RBM38: variants seen among roughly 807,000 people sequenced by gnomAD.
The protein encoded by RBM38 is RNA-binding protein 38.
Under a neutral mutation model 23.5 loss-of-function variants are expected in RBM38, and 11 were observed. The ratio of observed to expected loss-of-function variants is 0.47; its 90% CI spans 0.29 to 0.77. The LOEUF is 0.77. Among genes scored for constraint, RBM38 ranks in the 30% least tolerant of loss-of-function variants. The pLI is 0.08. For synonymous variants in RBM38, 165 were observed against 166.1 expected (o/e 0.99, Z 0.05); for missense variants, 330 against 351.9 (o/e 0.94, Z 0.50).
At chr20:57,406,703 C>T (rs919405550) in intron 3 of RBM38, among the ~76,000 whole-genome samples, 2 of 152,132 alleles carry the variant, frequency 1.3e-5, no homozygotes, top group Non-Finnish European at 2.9e-5. Context: ...CAGAAAGAAA[C>T]CCTGTGAGGG....
intron 3 of RBM38, among the ~76,000 whole-genome samples, chr20:57,399,259 G>A (rs572923364): frequency 1.7e-4 from 26 of 152,178 alleles, no homozygotes; most frequent in Non-Finnish European, 3.5e-4. Flanking sequence ...CGCAGGCTCC[G>A]AGCGGAGGAG....
At chr20:57,396,662 G>A (rs1022176394) in intron 3 of RBM38, among the ~76,000 whole-genome samples, 2 of 152,196 alleles carry the variant, frequency 1.3e-5, no homozygotes, top group African/African-American at 2.4e-5. Context: ...TGAAGGGGGT[G>A]GAATATCCCT....
intron 2 of RBM38, 197 bp from the exon 3 acceptor site, chr20:57,393,082 G>A: frequency 1.5e-6 from 1 of 651,150 alleles, no homozygotes; most frequent in Non-Finnish European, 2.7e-6. Context: ...AGTGGCTGCT[G>A]ACACCTGCGT....
At position 57,407,753 on chromosome 20, in the gene RBM38, C is replaced by T. The variant is rs749736153; in HGVS notation, c.627C>T (p.Ala209=). ...GCTTCGTGGGCTACAGCTACCCTGC[C>T]GCCGTGCCCCAGGCCCTCTCAGCCG... The part of the protein sequence containing the change: ...AASFVGYSYP[A]AVPQALSAAA... The change falls in exon 4 of 4, where the codon GCC becomes GCT. Residue 209 remains alanine, a synonymous_variant. Transcript: ENST00000356208. The surrounding 1 kb of genome is among the most constrained non-coding windows in gnomAD (Gnocchi z 4.0). 9.8e-5 allele frequency: 158 copies of T among 1,610,460 alleles called. 3 individuals carry two copies. Among genetic ancestry groups the T allele is most frequent in the Middle Eastern group, 1.6e-4 (1 of 6,080 alleles).
chr20:57,402,327 G>A (rs1026247373), intron 3 of RBM38, among the ~76,000 whole-genome samples: 4 of 152,218 alleles, frequency 2.6e-5, no homozygotes. Context: ...ACGCCACTGC[G>A]CCCGCCTGGA....
intron 3 of RBM38, among the ~76,000 whole-genome samples, chr20:57,402,057 C>T (rs2067333531): frequency 6.6e-6 from 1 of 152,208 alleles, no homozygotes; most frequent in Non-Finnish European, 1.5e-5. Context: ...AAGCCATTCT[C>T]CTGCCTCGGC....
intron 2 of RBM38, 111 bp from the exon 3 acceptor site, chr20:57,393,168 A>G (rs1191809334): frequency 2.9e-6 from 3 of 1,042,258 alleles, no homozygotes; most frequent in Non-Finnish European, 4.5e-6. Context: ...GAAGCGGATG[A>G]TCCCTTTTGA....
intron 3 of RBM38, among the ~76,000 whole-genome samples, chr20:57,405,374 T>C (rs1321463172): frequency 6.6e-6 from 1 of 152,090 alleles, no homozygotes; most frequent in Non-Finnish European, 1.5e-5. Flanking sequence ...CGCGAGGCCC[T>C]TGTTCCCATG....
intron 3 of RBM38, among the ~76,000 whole-genome samples, chr20:57,405,659 T>C (rs432658): frequency 0.99 from 150,675 of 152,272 alleles, 74,547 homozygotes; most frequent in Middle Eastern, 1. Context: ...TTTCCTGGTT[T>C]CCACCGTTGC....
At chr20:57,393,989 G>A (rs998320360) in intron 3 of RBM38, among the ~76,000 whole-genome samples, 2 of 151,966 alleles carry the variant, frequency 1.3e-5, no homozygotes, top group Non-Finnish European at 2.9e-5. Flanking sequence ...TGCTTGGGGA[G>A]GGACACACAC....
At chr20:57,406,304 G>A (rs3764722) in intron 3 of RBM38, among the ~76,000 whole-genome samples, 14,392 of 152,240 alleles carry the variant, frequency 0.095, 2,149 homozygotes, top group African/African-American at 0.32. Context: ...TGTGCTGAGG[G>A]CTGGGCATGC....
chr20:57,404,887 G>A (rs1000313099), intron 3 of RBM38, among the ~76,000 whole-genome samples: 1 of 152,250 alleles, frequency 6.6e-6, no homozygotes, highest in Non-Finnish European at 1.5e-5. Flanking sequence ...AGGCGCTGTG[G>A]GGCATGGGCC....
chr20:57,401,586 A>G (rs6014988), intron 3 of RBM38, among the ~76,000 whole-genome samples: 18,420 of 152,332 alleles, frequency 0.12, 3,558 homozygotes, highest in African/African-American at 0.41. Context: ...GGGACGCAGC[A>G]GCTGAGACCC....
intron 3 of RBM38, among the ~76,000 whole-genome samples, chr20:57,399,131 T>TGGGGAGGGGAAGGGAGCAGCC (rs1568809176): frequency 6.6e-6 from 1 of 151,900 alleles, no homozygotes; most frequent in Non-Finnish European, 1.5e-5. Context: ...CGACAGGAGC[T>TGGGGAGGGGAAGGGAGCAGCC]GGGGAGGGGA....
At position 57,392,703 on chromosome 20, in the gene RBM38, A is replaced by T; in HGVS notation, c.287A>T (p.Asn96Ile). 6.2e-7 allele frequency: 1 copy of T among 1,612,646 alleles called. No individual in the cohort carries two copies. Among genetic ancestry groups the T allele is most frequent in the South Asian group, 1.1e-5 (1 of 91,070 alleles). The change falls in exon 2 of 4, where the codon AAC becomes ATC. Residue 96 changes from asparagine (N) to isoleucine (I), a missense_variant. Around this residue, in one of 3 missense-constraint regions of RBM38, gnomAD observed 227 missense variants for 216.4 expected, o/e 1.05. Transcript: ENST00000356208. ...GCTGAGAGGGCTTGCAAAGACCCGA[A>T]CCCCATCATCGACGGCCGCAAGGCC... ...AAAERACKDPNPIIDGRKANV... is the reference protein window; with the variant it reads ...AAAERACKDPIPIIDGRKANV...
intron 3 of RBM38, among the ~76,000 whole-genome samples, chr20:57,406,620 T>C (rs1176201774): frequency 6.6e-6 from 1 of 152,130 alleles, no homozygotes. Context: ...TGCACTCCTT[T>C]GCTCCAGCAT....
In RBM38 at chr20:57,407,933, C is replaced by T. The variant is rs2067405133; in HGVS notation, c.*87C>T. ...CCATGATGGGCTGGCGACAGCCCGGCTGAGCTTCAGTGAGGTGCCACCAGC... is the reference window on the plus strand; with the variant it reads ...CCATGATGGGCTGGCGACAGCCCGGTTGAGCTTCAGTGAGGTGCCACCAGC... On this transcript the variant is annotated 3_prime_UTR_variant, in exon 4 of 4. Transcript: ENST00000356208. The surrounding 1 kb of genome is among the most constrained non-coding windows in gnomAD (Gnocchi z 4.0). 6.8e-7 allele frequency: 1 copy of T among 1,460,658 alleles called. No homozygotes were observed. The highest frequency in any genetic ancestry group is 1.4e-5 in the African/African-American group (1 of 71,544). 90.5% of individuals were successfully genotyped at this position (1,460,658 alleles called of 1,614,324 possible). A position where few individuals can be genotyped will look rare whatever the true frequency, so the allele number is the denominator to read the frequency against.
intron 1 of RBM38, among the ~76,000 whole-genome samples, chr20:57,392,063 G>T (rs2067224424): frequency 1.1e-5 from 1 of 92,524 alleles, no homozygotes; most frequent in Admixed American, 1.6e-4. Context: ...AAAAGGAAGA[G>T]CCGCTGTGTT....
chr20:57,394,615 C>T (rs1464619235), intron 3 of RBM38, among the ~76,000 whole-genome samples: 3 of 151,844 alleles, frequency 2.0e-5, no homozygotes, highest in Non-Finnish European at 2.9e-5. Flanking sequence ...TGGGAGCAGG[C>T]GGCCCTGTCC....
Sources: gnomAD v4.1 joint callset for allele counts (sites outside exome capture counted in the v4.1 genomes callset) on GRCh38, gnomAD v4.1.1 for gene constraint, gnomAD v4.1.1 regional missense constraint, Gnocchi (gnomAD v3.1) non-coding constraint, MANE v1.5 for transcripts, NCBI Gene and HGNC (gene_info 2026-07-23, HGNC 2026-07-21) for gene names.